Variants in CNTN5 observed in about 807,000 individuals in gnomAD.
CNTN5 encodes the protein contactin-5.
In CNTN5, 77 loss-of-function variants were observed where a neutral mutation model predicts 129.1. The ratio of observed to expected loss-of-function variants is 0.60; its 90% CI spans 0.50 to 0.72. The LOEUF (loss-of-function observed/expected upper bound fraction) is 0.72. CNTN5 is among the 30% of genes least tolerant of loss of function. The pLI is 0.00. For synonymous variants in CNTN5, 509 were observed against 465.6 expected (o/e 1.09, Z -1.20); for missense variants, 1,478 against 1,328.8 (o/e 1.11, Z -1.75).
chr11:100,058,630 A>G (rs1266617302), intron 9 of CNTN5, among the ~76,000 whole-genome samples: 1 of 152,142 alleles, frequency 6.6e-6, no homozygotes, highest in Non-Finnish European at 1.5e-5. Context: ...CAACTCCTTC[A>G]TCCAGCAACT....
chr11:100,333,140 C>G (rs1231030397), intron 21 of CNTN5, among the ~76,000 whole-genome samples: 1 of 151,900 alleles, frequency 6.6e-6, no homozygotes, highest in Non-Finnish European at 1.5e-5. Context: ...CAACAGCAGC[C>G]AAGCTGAGAA....
In CNTN5 at chr11:99,401,035, G is replaced by A. The variant is rs1378597611; in HGVS notation, c.-71+75551G>A. ...TTTACTTCCAACCTGTGGGTTGTCT[G>A]TTTACTTTGTTGGTTGTTTCCTTTA... On this transcript the variant is annotated intron_variant, in intron 2 of 24. Transcript: ENST00000524871. 3.3e-5 allele frequency among the ~76,000 whole-genome samples: 5 copies of A among 152,094 alleles called. No individual in the cohort carries two copies. In the South Asian group the frequency reaches 1.0e-3, roughly 32 times the overall value.
chr11:99,189,252 T>C (rs1858511203), intron 1 of CNTN5, among the ~76,000 whole-genome samples: 1 of 151,710 alleles, frequency 6.6e-6, no homozygotes, highest in Non-Finnish European at 1.5e-5. Flanking sequence ...TATATACACG[T>C]ACATATATAT....
intron 1 of CNTN5, among the ~76,000 whole-genome samples, chr11:99,068,442 G>A (rs1865193941): frequency 6.6e-6 from 1 of 152,140 alleles, no homozygotes; most frequent in African/African-American, 2.4e-5. Flanking sequence ...ATGGTCTAGA[G>A]TAGAGAAAGA....
chr11:99,946,429 A>G (rs1950554525), intron 7 of CNTN5, among the ~76,000 whole-genome samples: 2 of 152,158 alleles, frequency 1.3e-5, no homozygotes, highest in Admixed American at 1.3e-4. Flanking sequence ...CATCTGAGTG[A>G]TCGATACTCA....
intron 10 of CNTN5, among the ~76,000 whole-genome samples, chr11:100,068,270 G>GAGGT (rs577355769): frequency 6.6e-6 from 1 of 152,166 alleles, no homozygotes; most frequent in Non-Finnish European, 1.5e-5. Flanking sequence ...CAACAGAAGA[G>GAGGT]AGGTAACAAG....
chr11:99,091,298 TGAATCCAGGTAGACCTG>T (rs1463501518), intron 1 of CNTN5, among the ~76,000 whole-genome samples: 1 of 152,178 alleles, frequency 6.6e-6, no homozygotes, highest in African/African-American at 2.4e-5. Context: ...CTGCACACCT[TGAATCCAGGTAGACCTG>T]GATTTGATTA....
At chr11:99,302,456 G>A (rs536549703) in intron 1 of CNTN5, among the ~76,000 whole-genome samples, 2 of 151,638 alleles carry the variant, frequency 1.3e-5, no homozygotes, top group Admixed American at 6.6e-5. Context: ...CTAAAAATTA[G>A]ATAACTTAGA....
At chr11:99,102,844 G>A (rs1866804200) in intron 1 of CNTN5, among the ~76,000 whole-genome samples, 1 of 152,018 alleles carries the variant, frequency 6.6e-6, no homozygotes, top group African/African-American at 2.4e-5. Context: ...GGTATCTTTT[G>A]AGCAGCACCC....
At position 99,836,509 on chromosome 11, in the gene CNTN5, A is replaced by G. The variant is rs190125730; in HGVS notation, c.278-8343A>G. 8.3e-4 allele frequency among the ~76,000 whole-genome samples: 126 copies of G among 152,196 alleles called. No individual in the cohort carries two copies. The East Asian group carries it at 0.019, about 23-fold the overall frequency. ...ATGGCTGCACAGTATTCCATGGTGT[A>G]TATGTGCCACATTTTCTTAATCCAG... is the stretch of plus-strand genomic sequence containing the variant. On this transcript the variant is annotated intron_variant, in intron 4 of 24. Transcript: ENST00000524871.
At chr11:99,588,048 A>G (rs999929509) in intron 3 of CNTN5, among the ~76,000 whole-genome samples, 5 of 152,214 alleles carry the variant, frequency 3.3e-5, no homozygotes, top group African/African-American at 7.2e-5. Context: ...CAAAATCCAT[A>G]GTTTAAGACC....
chr11:99,668,543 T>C (rs1295229857), intron 3 of CNTN5, among the ~76,000 whole-genome samples: 2 of 152,208 alleles, frequency 1.3e-5, no homozygotes, highest in Non-Finnish European at 2.9e-5. Flanking sequence ...CTTTGTTTCC[T>C]GCCATGCTTC....
In CNTN5 at chr11:100,046,526, G is replaced by C. The variant is rs1293237093; in HGVS notation, c.981-14686G>C. Among the ~76,000 whole-genome samples the C allele has an allele frequency of 3.3e-5, 5 of 151,946 alleles. No homozygotes were observed. The East Asian group carries it at 5.8e-4, about 18-fold the overall frequency. On this transcript the variant is annotated intron_variant, in intron 9 of 24. Coordinates refer to ENST00000524871, the MANE Select transcript of CNTN5 (RefSeq NM_014361.4). ...TGCATTATGACATATGTAGTTATTT[G>C]TGATTTGCTTTTTTTCTTCAATCTT...
chr11:100,061,321 G>T lies in CNTN5; in HGVS notation c.1090G>T (p.Ala364Ser), dbSNP rs1943471409. The T allele has an allele frequency of 6.2e-7, 1 of 1,613,446 alleles. No individual in the cohort carries two copies. Among genetic ancestry groups the T allele is most frequent in the South Asian group, 1.1e-5 (1 of 91,056 alleles). Residue 364 changes from alanine to serine, a missense_variant, in exon 10 of 25, where the codon GCA becomes TCA. Physicochemically the swap from Ala to Ser is moderately conservative, Grantham distance 99. Transcript: ENST00000524871. Reference protein sequence around the residue: ...LEIPNVQLDDAGIYECRAENS... With the variant: ...LEIPNVQLDDSGIYECRAENS... ...AATACCGAATGTACAGCTGGATGAT[G>T]CAGGCATTTATGAGTGCAGAGCTGA... is the stretch of plus-strand genomic sequence containing the variant.
chr11:99,578,195 A>T (rs936408101), intron 3 of CNTN5, among the ~76,000 whole-genome samples: 2 of 151,962 alleles, frequency 1.3e-5, no homozygotes, highest in African/African-American at 4.8e-5. Flanking sequence ...TCCATGGTGT[A>T]TATGTGCCAC....
chr11:99,334,417 A>C (rs1362007409), intron 2 of CNTN5, among the ~76,000 whole-genome samples: 1 of 152,146 alleles, frequency 6.6e-6, no homozygotes, highest in African/African-American at 2.4e-5. Context: ...TGGATGTGAT[A>C]CTTATCTTAA....
Position 99,133,447 on chromosome 11 carries a change from A to G in CNTN5, c.-210+112177A>G, listed in dbSNP as rs556894214. Among the ~76,000 whole-genome samples, 42 of 152,204 alleles carry G rather than the reference A, an allele frequency of 2.8e-4. No homozygotes were observed. In the South Asian group the frequency reaches 8.7e-3, roughly 32 times the overall value. ...AAAGAGTTTTTGCATAGCAAAAGAA[A>G]CTATCATCAGGGCAAACAGACAACC... is the stretch of plus-strand genomic sequence containing the variant. On this transcript the variant is annotated intron_variant, in intron 1 of 24. Coordinates refer to ENST00000524871, the MANE Select transcript of CNTN5 (RefSeq NM_014361.4).
chr11:99,957,738 C>T (rs1048019287), intron 8 of CNTN5, among the ~76,000 whole-genome samples: 29 of 151,996 alleles, frequency 1.9e-4, no homozygotes, highest in Non-Finnish European at 3.1e-4. Flanking sequence ...AAAAAATAAT[C>T]TATTTAAGTG....
chr11:99,695,863 A>G (rs927765164), intron 3 of CNTN5, among the ~76,000 whole-genome samples: 1 of 152,128 alleles, frequency 6.6e-6, no homozygotes, highest in Non-Finnish European at 1.5e-5. Context: ...AACCTCTTCT[A>G]TAAAATGTCT....
Sources: allele counts gnomAD v4.1 joint callset (sites outside exome capture counted in the v4.1 genomes callset), GRCh38; gene constraint gnomAD v4.1.1; transcripts MANE v1.5; gene names NCBI Gene and HGNC (gene_info 2026-07-23, HGNC 2026-07-21).